Variants in BRWD1 observed in about 807,000 individuals in gnomAD.
BRWD1 encodes bromodomain and WD repeat-containing protein 1.
BRWD1 carries 82 observed loss-of-function variants against 251.2 expected under a neutral mutation model. The ratio of observed to expected loss-of-function variants is 0.33; its 90% CI spans 0.27 to 0.39. The LOEUF is 0.39. Among genes scored for constraint, BRWD1 ranks in the 10% least tolerant of loss-of-function variants. The pLI is 1.00. For synonymous variants in BRWD1, 918 were observed against 902.8 expected (o/e 1.02, Z -0.30); for missense variants, 2,233 against 2,711.6 (o/e 0.82, Z 3.92).
At chr21:39,264,322 A>G (rs75733207) in intron 17 of BRWD1, 138 bp downstream of exon 17, 67,225 of 588,622 alleles carry the variant, frequency 0.11, 4,281 homozygotes, top group Admixed American at 0.12. Context: ...TCAAAACAAT[A>G]CACAGAAAAA....
intron 21 of BRWD1, 113 bp downstream of exon 21, chr21:39,247,588 T>C: frequency 9.2e-7 from 1 of 1,091,996 alleles, no homozygotes; most frequent in Non-Finnish European, 1.2e-6. Flanking sequence ...TTCATATTAA[T>C]CTCTGCAGAA....
upstream of BRWD1, among the ~76,000 whole-genome samples, chr21:39,317,651 C>T (rs1290730119): frequency 1.3e-5 from 2 of 152,234 alleles, no homozygotes; most frequent in African/African-American, 4.8e-5. Context: ...CAGGATTGCA[C>T]AGCTAGCGCA....
chr21:39,189,177 A>G lies in BRWD1; in HGVS notation c.*7082T>C. Reference sequence around the variant, plus strand: ...AAAAATTTTAAAATATGCAAAATTAAGGTGAAATTTGCACTTTATAGTAGG... The same window carrying G: ...AAAAATTTTAAAATATGCAAAATTAGGGTGAAATTTGCACTTTATAGTAGG... On this transcript the variant is annotated 3_prime_UTR_variant, in exon 41 of 41. Transcript: ENST00000342449. The G allele has an allele frequency of 1.0e-6, 1 of 984,780 alleles. No homozygotes were observed. The highest frequency in any genetic ancestry group is 1.2e-6 in the Non-Finnish European group (1 of 829,312). The allele number at this position is 984,780 out of a possible 1,614,324, so 61.0% of individuals were successfully genotyped here.
Position 39,190,069 on chromosome 21 carries a change from A to G in BRWD1, c.*6190T>C, listed in dbSNP as rs2031467614. 1 of 985,248 alleles carries G rather than the reference A, an allele frequency of 1.0e-6. No homozygotes were observed. The highest frequency in any genetic ancestry group is 1.2e-6 in the Non-Finnish European group (1 of 829,906). 61.0% of individuals were successfully genotyped at this position (985,248 alleles called of 1,614,324 possible). On this transcript the variant is annotated 3_prime_UTR_variant, in exon 41 of 41. Transcript: ENST00000342449. ...TGTACATCTGTAGTAGCACTCCATGATCATTTCCCTGGATGACCACTTTAA... is the reference window on the plus strand; with the variant it reads ...TGTACATCTGTAGTAGCACTCCATGGTCATTTCCCTGGATGACCACTTTAA...
At position 39,270,448 on chromosome 21, in the gene BRWD1, CACA is replaced by C; in HGVS notation, c.1245-18_1245-16del. 6.3e-7 allele frequency: 1 copy of C among 1,590,322 alleles called. No homozygotes were observed. Among genetic ancestry groups the C allele is most frequent in the Non-Finnish European group, 8.6e-7 (1 of 1,167,370 alleles). ...AAGATAAGTCCCTAACAAAAAAATA[CACA>C]ACATGTAAACTTATTTAGATGGCTG... is the stretch of plus-strand genomic sequence containing the variant. On this transcript the variant is annotated splice_polypyrimidine_tract_variant and intron_variant, in intron 13 of 40. Transcript: ENST00000342449.
At chr21:39,265,325 T>C (rs186940261) in intron 15 of BRWD1, among the ~76,000 whole-genome samples, 146 of 152,170 alleles carry the variant, frequency 9.6e-4, no homozygotes, top group African/African-American at 3.4e-3. Flanking sequence ...CTCAGGAAGC[T>C]GAGACACGAG....
intron 35 of BRWD1, 147 bp downstream of exon 35, chr21:39,210,639 C>A: frequency 1.1e-6 from 1 of 888,490 alleles, no homozygotes; most frequent in Non-Finnish European, 1.6e-6. Flanking sequence ...TATGTAAAAA[C>A]AATACTTCTA....
In BRWD1 at chr21:39,313,588, CG is replaced by C; in HGVS notation, c.-98del. Reference sequence around the variant, plus strand: ...GGCTGGCGTCCCCTCTTCTCAGGCGCGCGCCGCCGCCGCCGCCGCCGCCGCC... The same window carrying C: ...GGCTGGCGTCCCCTCTTCTCAGGCGCCGCCGCCGCCGCCGCCGCCGCCGCC... On this transcript the variant is annotated 5_prime_UTR_variant, in exon 1 of 41. An upstream open reading frame in the 5' UTR loses its in-frame stop. Transcript: ENST00000342449. 1 of 941,464 alleles carries C rather than the reference CG, an allele frequency of 1.1e-6. No homozygotes were observed. Among genetic ancestry groups the C allele is most frequent in the Non-Finnish European group, 1.3e-6 (1 of 761,002 alleles). The allele number at this position is 941,464 out of a possible 1,614,324, so 58.3% of individuals were successfully genotyped here.
In BRWD1 at chr21:39,303,910, G is replaced by A. The variant is rs146620632; in HGVS notation, c.199-5328C>T. ...TAATCCCAGCACTATGGGATCCTGA[G>A]GCGGGTGGATCACCTGAGGTCAGCA... On this transcript the variant is annotated intron_variant, in intron 4 of 40. Transcript: ENST00000342449. Among the ~76,000 whole-genome samples, 35 of 151,928 alleles carry A rather than the reference G, an allele frequency of 2.3e-4. No homozygotes were observed. The East Asian group carries it at 6.0e-3, about 26-fold the overall frequency.
chr21:39,277,157 A>T, intron 11 of BRWD1, 94 bp downstream of exon 11: 2 of 770,286 alleles, frequency 2.6e-6, no homozygotes, highest in African/African-American at 1.8e-5. Context: ...AAAAAAAATT[A>T]AAAATAAAAG....
In BRWD1 at chr21:39,199,111, A is replaced by T; in HGVS notation, c.5305T>A (p.Cys1769Ser). The T allele has an allele frequency of 6.2e-7, 1 of 1,614,006 alleles. No individual in the cohort carries two copies. Residue 1769 changes from cysteine (C) to serine (S), a missense_variant, in exon 40 of 41, where the codon TGT becomes AGT. Cys to Ser is a moderately radical substitution (Grantham distance 112, BLOSUM62 -1). This residue lies in a region of BRWD1 where 928 missense variants were observed against 970.0 expected (regional missense o/e 0.96). Coordinates refer to ENST00000342449, the MANE Select transcript of BRWD1 (RefSeq NM_033656.4). ...GTTGATGGGCCAGCAGTTCTGTTAC[A>T]TGCATGATCTGAATCATGACTTTTA... The part of the protein sequence containing the change: ...DSKSHDSDHA[C>S]NRTAGPSTSV...
intron 17 of BRWD1, among the ~76,000 whole-genome samples, chr21:39,259,891 A>G (rs964068100): frequency 1.3e-5 from 2 of 152,174 alleles, no homozygotes; most frequent in African/African-American, 2.4e-5. Context: ...GGTGATAATC[A>G]AAAGGAATGC....
intron 25 of BRWD1, among the ~76,000 whole-genome samples, chr21:39,231,725 T>C (rs562478655): frequency 2.2e-4 from 33 of 152,362 alleles, no homozygotes; most frequent in African/African-American, 7.2e-4. Flanking sequence ...AAATGTGGAA[T>C]TCTTTCTTGA....
intron 19 of BRWD1, among the ~76,000 whole-genome samples, chr21:39,255,094 A>C (rs2836961): frequency 0.36 from 54,205 of 152,032 alleles, 10,237 homozygotes; most frequent in Admixed American, 0.43. Flanking sequence ...AAAGGACAAA[A>C]GTGGGTGTGT....
intron 8 of BRWD1, among the ~76,000 whole-genome samples, chr21:39,283,306 T>G (rs1192859834): frequency 6.6e-6 from 1 of 152,188 alleles, no homozygotes; most frequent in Non-Finnish European, 1.5e-5. Context: ...TCAGGAAAGA[T>G]CTGACATATT....
In BRWD1 at chr21:39,187,187, G is replaced by A; in HGVS notation, c.*9072C>T. On this transcript the variant is annotated 3_prime_UTR_variant, in exon 41 of 41. Coordinates refer to ENST00000342449, the MANE Select transcript of BRWD1 (RefSeq NM_033656.4). ...GCCGCAGCAGAAGCATTTCGATGGG[G>A]CAGTTTTCTGCTACTCTTCCTAATC... 3 of 1,613,492 alleles carry A rather than the reference G, an allele frequency of 1.9e-6. No individual in the cohort carries two copies. The highest frequency in any genetic ancestry group is 2.5e-6 in the Non-Finnish European group (3 of 1,179,828).
At chr21:39,304,011 G>C (rs1220155372) in intron 4 of BRWD1, among the ~76,000 whole-genome samples, 1 of 151,260 alleles carries the variant, frequency 6.6e-6, no homozygotes, top group Non-Finnish European at 1.5e-5. Flanking sequence ...CGTGGTGGCG[G>C]GCGCCTGTAA....
chr21:39,304,002 G>A (rs1230376979), intron 4 of BRWD1, among the ~76,000 whole-genome samples: 4 of 151,566 alleles, frequency 2.6e-5, no homozygotes, highest in East Asian at 1.9e-4. Flanking sequence ...TGAGCCAGGC[G>A]TGGTGGCGGG....
chr21:39,248,641 CAAAAAAAAAAAAAAAAAAAA>C (rs375430016), intron 20 of BRWD1, among the ~76,000 whole-genome samples: 5 of 83,300 alleles, frequency 6.0e-5, no homozygotes, highest in African/African-American at 2.1e-4. Flanking sequence ...CCCTATCTCC[CAAAAAAAAAAAAAAAAAAAA>C]AAAAAAAAAA....
Sources: gnomAD v4.1 joint callset for allele counts (sites outside exome capture counted in the v4.1 genomes callset) on GRCh38, gnomAD v4.1.1 for gene constraint, gnomAD v4.1.1 regional missense constraint, MANE v1.5 for transcripts, NCBI Gene and HGNC (gene_info 2026-07-23, HGNC 2026-07-21) for gene names.